The following FSTL5 variants were observed in gnomAD, a reference collection of about 807,000 sequenced individuals.
FSTL5 encodes follistatin like 5.
FSTL5 carries 62 observed loss-of-function variants against 89.1 expected under a neutral mutation model. The observed-to-expected ratio is 0.70, with a 90% CI of 0.57 to 0.86. FSTL5 has a LOEUF of 0.86. FSTL5 is among the 40% of genes least tolerant of loss of function. FSTL5 has a pLI of 0.00. For synonymous variants in FSTL5, 383 were observed against 346.2 expected, an observed-to-expected ratio of 1.11 and a Z score of -1.18; for missense variants, 1,057 against 1,001.6, an observed-to-expected ratio of 1.06 and a Z score of -0.75.
intron 12 of FSTL5, 39 bp downstream of exon 12, chr4:161,499,977 T>G (rs1730239216): frequency 8.4e-7 from 1 of 1,183,458 alleles, no homozygotes; most frequent in African/African-American, 1.5e-5. Flanking sequence ...TTAACAAAAT[T>G]TCTGCATAAA....
intron 3 of FSTL5, among the ~76,000 whole-genome samples, chr4:161,986,100 A>G (rs1181717292): frequency 6.6e-6 from 1 of 152,114 alleles, no homozygotes; most frequent in East Asian, 1.9e-4. Context: ...CCTTACACCT[A>G]AAGTAATTAA....
intron 4 of FSTL5, among the ~76,000 whole-genome samples, chr4:161,779,780 TATATATATATATATA>T (rs1741568340): frequency 7.0e-5 from 3 of 42,770 alleles, no homozygotes; most frequent in East Asian, 1.8e-3. Flanking sequence ...TATATGTATA[TATATATATATATATA>T]TATATATATA....
At chr4:161,751,449 TTTCCCAAAATAGCCAG>T (rs1412395279) in intron 6 of FSTL5, among the ~76,000 whole-genome samples, 1 of 152,116 alleles carries the variant, frequency 6.6e-6, no homozygotes, top group Non-Finnish European at 1.5e-5. Context: ...CTGAGTGGTA[TTTCCCAAAATAGCCAG>T]GGGATAGCTA....
At chr4:161,534,794 C>A (rs1236795713) in intron 10 of FSTL5, among the ~76,000 whole-genome samples, 2 of 151,958 alleles carry the variant, frequency 1.3e-5, no homozygotes, top group East Asian at 1.9e-4. Context: ...AAGAACAAAT[C>A]CATAGGCATC....
intron 4 of FSTL5, among the ~76,000 whole-genome samples, chr4:161,898,166 G>A (rs1274534211): frequency 6.8e-6 from 1 of 147,720 alleles, no homozygotes; most frequent in African/African-American, 2.5e-5. Flanking sequence ...TAGGTATATT[G>A]ATGTGTATAT....
intron 4 of FSTL5, among the ~76,000 whole-genome samples, chr4:161,874,351 TTC>T (rs149652790): frequency 4.2e-4 from 64 of 152,140 alleles, no homozygotes; most frequent in African/African-American, 1.5e-3. Context: ...TGTTTTATAT[TTC>T]TGTCTGCTTT....
At chr4:161,718,687 CAAAGTGCTGGGATTACAGGTGTG>C (rs1230257086) in intron 6 of FSTL5, among the ~76,000 whole-genome samples, 1 of 152,152 alleles carries the variant, frequency 6.6e-6, no homozygotes, top group Non-Finnish European at 1.5e-5. Context: ...CTCAGCCTCC[CAAAGTGCTGGGATTACAGGTGTG>C]AGCCACCATG....
chr4:162,021,254 A>G (rs1365566993), intron 3 of FSTL5, among the ~76,000 whole-genome samples: 1 of 152,172 alleles, frequency 6.6e-6, no homozygotes, highest in East Asian at 1.9e-4. Context: ...CAAAATAGAA[A>G]GGTTTAACTG....
At chr4:161,572,778 CTGAA>C (rs1441879819) in intron 8 of FSTL5, among the ~76,000 whole-genome samples, 1 of 152,044 alleles carries the variant, frequency 6.6e-6, no homozygotes, top group South Asian at 2.1e-4. Context: ...CACTGGGTGA[CTGAA>C]TGAAACAGAA....
At chr4:161,585,430 T>C (rs1169620943) in intron 8 of FSTL5, among the ~76,000 whole-genome samples, 3 of 152,110 alleles carry the variant, frequency 2.0e-5, no homozygotes, top group Admixed American at 1.3e-4. Flanking sequence ...TTTTCTTTTA[T>C]GTGATTCTGA....
At chr4:161,961,781 G>C (rs1735185681) in intron 3 of FSTL5, among the ~76,000 whole-genome samples, 1 of 151,654 alleles carries the variant, frequency 6.6e-6, no homozygotes, top group Non-Finnish European at 1.5e-5. Flanking sequence ...GTTAATACCT[G>C]AATAATCATT....
At chr4:161,966,563 C>T (rs916261637) in intron 3 of FSTL5, among the ~76,000 whole-genome samples, 3 of 151,932 alleles carry the variant, frequency 2.0e-5, no homozygotes, top group African/African-American at 4.8e-5. Context: ...ATATGATTGG[C>T]GTTCTTATGA....
intron 6 of FSTL5, among the ~76,000 whole-genome samples, chr4:161,667,050 A>G (rs1309109412): frequency 1.3e-5 from 2 of 152,098 alleles, no homozygotes; most frequent in Non-Finnish European, 2.9e-5. Context: ...AATACTACAG[A>G]CAAAACTATA....
chr4:161,531,607 C>G (rs1317053305), intron 10 of FSTL5, among the ~76,000 whole-genome samples: 2 of 152,106 alleles, frequency 1.3e-5, no homozygotes, highest in African/African-American at 4.8e-5. Context: ...AGTGTAGCTT[C>G]TGCTTTGATT....
chr4:162,158,000 T>A (rs1384641157), intron 1 of FSTL5, among the ~76,000 whole-genome samples: 1 of 152,122 alleles, frequency 6.6e-6, no homozygotes, highest in Non-Finnish European at 1.5e-5. Flanking sequence ...CGCCTTAGAT[T>A]ACCTCCTTAG....
intron 7 of FSTL5, among the ~76,000 whole-genome samples, chr4:161,588,492 A>T (rs1025724223): frequency 6.6e-6 from 1 of 152,152 alleles, no homozygotes; most frequent in Non-Finnish European, 1.5e-5. Flanking sequence ...ATTTTGAAAA[A>T]AAAGAAAGGA....
chr4:161,989,235 T>C (rs1471567345), intron 3 of FSTL5, among the ~76,000 whole-genome samples: 4 of 152,134 alleles, frequency 2.6e-5, no homozygotes, highest in Non-Finnish European at 4.4e-5. Context: ...CAGGTTGCAA[T>C]TGACTTCTCA....
At chr4:161,388,272 TCATAC>T (rs1167304594) in intron 15 of FSTL5, 1 of 152,062 alleles carries the variant, frequency 6.6e-6, no homozygotes, top group Admixed American at 6.6e-5. Flanking sequence ...TAAACCCAGC[TCATAC>T]CATACCCATT....
At chr4:161,722,554 C>T (rs527716833) in intron 6 of FSTL5, among the ~76,000 whole-genome samples, 2 of 152,144 alleles carry the variant, frequency 1.3e-5, no homozygotes, top group East Asian at 1.9e-4. Context: ...TTTCTAGCAC[C>T]TTTGAATATT....
Sources: gnomAD v4.1 joint callset for allele counts (sites outside exome capture counted in the v4.1 genomes callset) on GRCh38, gnomAD v4.1.1 for gene constraint, MANE v1.5 for transcripts, NCBI Gene and HGNC (gene_info 2026-07-23, HGNC 2026-07-21) for gene names.